Variants in CPLANE1 observed in about 807,000 individuals in gnomAD.
The protein encoded by CPLANE1 is ciliogenesis and planar polarity effector complex subunit 1, also known as ciliogenesis and planar polarity effector 1.
A neutral mutation model predicts 362.5 loss-of-function variants in CPLANE1; 263 were observed. The observed-to-expected ratio is 0.73, with a 90% CI of 0.66 to 0.80. The LOEUF (loss-of-function observed/expected upper bound fraction) is 0.80, where lower values mean the gene tolerates loss of function less well. Ranked by LOEUF, CPLANE1 falls within the 30% of genes least tolerant of loss-of-function variation. CPLANE1 has a pLI of 0.00. For synonymous variants in CPLANE1, 1,212 were observed against 1,302.6 expected (o/e 0.93, Z 1.50); for missense variants, 3,461 against 3,793.4 (o/e 0.91, Z 2.30).
chr5:37,109,976 A>C (rs1287426868), intron 51 of CPLANE1, among the ~76,000 whole-genome samples: 1 of 152,144 alleles, frequency 6.6e-6, no homozygotes, highest in Non-Finnish European at 1.5e-5. Flanking sequence ...TTTCTTATAC[A>C]TGCCACATCC....
At chr5:37,102,845 T>C (rs1757360870), downstream of CPLANE1, among the ~76,000 whole-genome samples, 1 of 152,032 alleles carries the variant, frequency 6.6e-6, no homozygotes, top group Non-Finnish European at 1.5e-5. Context: ...TAGAGTGCCA[T>C]GTGATGAGAA....
At chr5:37,212,088 GAAAGA>G in intron 16 of CPLANE1, 1 of 909,818 alleles carries the variant, frequency 1.1e-6, no homozygotes, top group Non-Finnish European at 1.9e-6. Context: ...TTTAGAAAGG[GAAAGA>G]AGAGAACTAG....
At chr5:37,110,431 A>G (rs968013696) in intron 51 of CPLANE1, among the ~76,000 whole-genome samples, 5 of 151,924 alleles carry the variant, frequency 3.3e-5, no homozygotes, top group Admixed American at 6.6e-5. Flanking sequence ...CAAGATCTTC[A>G]CTCCAACATC....
rs1269829940 is a variant in CPLANE1, at chr5:37,168,845, T to G, written c.7179A>C (p.Glu2393Asp). 1.2e-6 allele frequency: 2 copies of G among 1,613,760 alleles called. No homozygotes were observed. Among genetic ancestry groups the G allele is most frequent in the Admixed American group, 1.7e-5 (1 of 59,856 alleles). The stretch of plus-strand genomic sequence containing the variant: ...GTAATGACAATCTTGGGTATTTTCT[T>G]TCTTCTGCTATAGGTTGGATAGGTG... ...PSTPIQPIAEERKYPRLSLLH... is the reference protein window; with the variant it reads ...PSTPIQPIAEDRKYPRLSLLH... Residue 2393 changes from glutamate to aspartate, a missense_variant, in exon 34 of 53, where the codon GAA (glutamate) becomes GAC (aspartate). Glu to Asp is a conservative substitution (Grantham distance 45). This residue lies in a region of CPLANE1 where 3,380 missense variants were observed against 3,666.1 expected (regional missense o/e 0.92). Transcript: ENST00000651892.
chr5:37,184,615 G>C (rs1218663014), intron 25 of CPLANE1, among the ~76,000 whole-genome samples, 173 bp downstream of exon 25: 3 of 151,976 alleles, frequency 2.0e-5, no homozygotes, highest in Non-Finnish European at 2.9e-5. Context: ...CGAATGTATA[G>C]TCTCATTTTA....
At position 37,180,902 on chromosome 5, in the gene CPLANE1, G is replaced by A. The variant is rs1782504880; in HGVS notation, c.5525C>T (p.Thr1842Ile). 1 of 1,614,006 alleles carries A rather than the reference G, an allele frequency of 6.2e-7. No individual in the cohort carries two copies. Among genetic ancestry groups the A allele is most frequent in the Admixed American group, 1.7e-5 (1 of 60,002 alleles). ...GSVAVATPGG[T>I]EERNGQNKSC... ...TTTATTCTGACCATTTCTTTCCTCA[G>A]TTCCACCTGGAGTTGCTACTGCAAC... Residue 1842 changes from threonine (T) to isoleucine (I), a missense_variant, in exon 27 of 53, where the codon ACT (threonine) becomes ATT (isoleucine). Physicochemically the swap from Thr to Ile is moderately conservative, Grantham distance 89 (BLOSUM62 -1). Transcript: ENST00000651892.
At chr5:37,241,378 C>T (rs1169351454) in intron 6 of CPLANE1, among the ~76,000 whole-genome samples, 1 of 152,076 alleles carries the variant, frequency 6.6e-6, no homozygotes, top group Non-Finnish European at 1.5e-5. Flanking sequence ...TCGCTTGAAC[C>T]TGGGAGGCAG....
chr5:37,209,931 C>A lies in CPLANE1; in HGVS notation c.2921-3506G>T. ...TCAGTTTGCAGATGCTTACCCTCAG[C>A]GTATCAAGTTTGAGTCTTTAGAAAT... is the stretch of plus-strand genomic sequence containing the variant. On this transcript the variant is annotated intron_variant, in intron 16 of 52. Coordinates refer to ENST00000651892, the MANE Select transcript of CPLANE1 (RefSeq NM_001384732.1). The surrounding 1 kb of genome is among the most constrained non-coding windows in gnomAD (Gnocchi z 4.6). The A allele has an allele frequency of 7.4e-7, 1 of 1,358,216 alleles. No individual in the cohort carries two copies. The highest frequency in any genetic ancestry group is 1.1e-6 in the Non-Finnish European group (1 of 948,904). The allele number at this position is 1,358,216 out of a possible 1,614,324, so 84.1% of individuals were successfully genotyped here.
chr5:37,199,004 G>GT, intron 19 of CPLANE1, 138 bp from the exon 20 acceptor site: 1 of 723,242 alleles, frequency 1.4e-6, no homozygotes, highest in Non-Finnish European at 2.2e-6. Flanking sequence ...GGCTGAAGCA[G>GT]GAGGACTGCT....
intron 15 of CPLANE1, 146 bp from the exon 16 acceptor site, chr5:37,213,878 T>C (rs1024747956): frequency 9.5e-6 from 5 of 524,018 alleles, no homozygotes; most frequent in African/African-American, 1.9e-5. Flanking sequence ...TGAATTATAA[T>C]AGGTACCGTA....
rs869153501 is a variant in CPLANE1, at chr5:37,238,487, CTTTTT to C, written c.938+365_938+369del. ...CGTGAGCCACAGCGCCCAGCCTTTT[CTTTTT>C]TTTTTTTTTTTTTTTTTTTTGAGAT... On this transcript the variant is annotated intron_variant, in intron 8 of 52. Transcript: ENST00000651892. Among the ~76,000 whole-genome samples, 33 of 80,646 alleles carry C rather than the reference CTTTTT, an allele frequency of 4.1e-4. 1 individual carries two copies. The highest frequency in any genetic ancestry group is 3.0e-3 in the Admixed American group (20 of 6,660). The allele number at this position is 80,646 out of a possible 152,430, so 52.9% of individuals were successfully genotyped here.
At chr5:37,189,978 G>A (rs1204182699) in intron 21 of CPLANE1, among the ~76,000 whole-genome samples, 1 of 151,592 alleles carries the variant, frequency 6.6e-6, no homozygotes, top group Admixed American at 6.6e-5. Context: ...CAGCCTGGGT[G>A]ACAGACTTGA....
intron 48 of CPLANE1, 105 bp downstream of exon 48, chr5:37,122,325 T>C (rs1579897850): frequency 1.1e-6 from 1 of 870,736 alleles, no homozygotes; most frequent in East Asian, 2.5e-5. Flanking sequence ...CTCTGTTTAT[T>C]GACAAAAAAG....
chr5:37,163,565 T>G (rs1231853349), intron 37 of CPLANE1, among the ~76,000 whole-genome samples: 1 of 152,186 alleles, frequency 6.6e-6, no homozygotes, highest in Non-Finnish European at 1.5e-5. Context: ...TAAGAAAGTA[T>G]TAATTATGGA....
At position 37,120,259 on chromosome 5, in the gene CPLANE1, C is replaced by A. The variant is rs1479213208; in HGVS notation, c.9267G>T (p.Lys3089Asn). ...CTTGAGGTTGCCCAAAAGACTTCCTCTTATGGATATAACTCGGTTTGGACA... is the reference window on the plus strand; with the variant it reads ...CTTGAGGTTGCCCAAAAGACTTCCTATTATGGATATAACTCGGTTTGGACA... ...KYMSKPSYIH[K>N]RKSFGQPQGS... Residue 3089 changes from lysine (K) to asparagine (N), a missense_variant, in exon 50 of 53, where the codon AAG becomes AAT. Lys to Asn is a moderately conservative substitution (Grantham distance 94). Around this residue, in one of 2 missense-constraint regions of CPLANE1, gnomAD observed 3,380 missense variants for 3,666.1 expected, o/e 0.92. Transcript: ENST00000651892. 6.2e-7 allele frequency: 1 copy of A among 1,604,142 alleles called. No individual in the cohort carries two copies. The highest frequency in any genetic ancestry group is 8.5e-7 in the Non-Finnish European group (1 of 1,177,404).
intron 16 of CPLANE1, chr5:37,211,288 C>T (rs543034646): frequency 3.7e-5 from 56 of 1,509,858 alleles, no homozygotes; most frequent in Non-Finnish European, 4.7e-5. Flanking sequence ...CAGCAAGAGG[C>T]GGAACGCTTG....
chr5:37,242,749 G>A (rs1382417183), intron 6 of CPLANE1, among the ~76,000 whole-genome samples: 1 of 152,044 alleles, frequency 6.6e-6, no homozygotes, highest in Non-Finnish European at 1.5e-5. Context: ...ATATGGGGCC[G>A]GGTATGATGC....
At chr5:37,234,650 C>T (rs1206895096) in intron 8 of CPLANE1, among the ~76,000 whole-genome samples, 2 of 152,064 alleles carry the variant, frequency 1.3e-5, no homozygotes, top group Non-Finnish European at 2.9e-5. Context: ...ATGAAAACTT[C>T]CTAAGTCTAG....
chr5:37,210,338 TG>T (rs1247614862), intron 16 of CPLANE1: 1 of 1,298,886 alleles, frequency 7.7e-7, no homozygotes, highest in Non-Finnish European at 1.1e-6. Context: ...AAAGTATGAC[TG>T]AGGCACTTAG....
Sources: gnomAD v4.1 joint callset for allele counts (sites outside exome capture counted in the v4.1 genomes callset) on GRCh38, gnomAD v4.1.1 for gene constraint, gnomAD v4.1.1 regional missense constraint, Gnocchi (gnomAD v3.1) non-coding constraint, MANE v1.5 for transcripts, NCBI Gene and HGNC (gene_info 2026-07-23, HGNC 2026-07-21) for gene names.